Variants in PSMD6 observed in about 807,000 individuals in gnomAD.
PSMD6 encodes 26S proteasome non-ATPase regulatory subunit 6.
PSMD6 carries 7 observed loss-of-function variants against 44.9 expected under a neutral mutation model. The observed-to-expected ratio is 0.16, with a 90% confidence interval of 0.09 to 0.29. PSMD6 has a LOEUF of 0.29. PSMD6 is among the 10% of genes least tolerant of loss of function. PSMD6 has a pLI of 1.00. For missense variants in PSMD6, 420 were observed against 482.6 expected (o/e 0.87, Z 1.21); for synonymous variants, 184 against 172.7 (o/e 1.07, Z -0.51).
In PSMD6 at chr3:64,018,690, C is replaced by T. The variant is rs2076085309; in HGVS notation, c.735G>A (p.Glu245=). The change falls in exon 5 of 8, where the codon GAG becomes GAA. Residue 245 remains glutamate, a synonymous_variant. Coordinates refer to ENST00000295901, the MANE Select transcript of PSMD6 (RefSeq NM_014814.3). ...DLREKVIKGA[E]ILEVLHSLPA... ...GAAGACTGTGCAACACTTCAAGAAT[C>T]TCTGCTCCTTTAATGACCTAGGTAT... 6.2e-7 allele frequency: 1 copy of T among 1,601,074 alleles called. No homozygotes were observed. The highest frequency in any genetic ancestry group is 8.6e-7 in the Non-Finnish European group (1 of 1,168,808).
intron 2 of PSMD6, among the ~76,000 whole-genome samples, chr3:64,021,429 TAAA>T (rs1057255728): frequency 6.6e-6 from 1 of 152,246 alleles, no homozygotes; most frequent in African/African-American, 2.4e-5. Context: ...TCTGTAGAAT[TAAA>T]AATTTCTGCA....
intron 1 of PSMD6, 64 bp from the exon 2 acceptor site, chr3:64,022,587 A>C: frequency 6.3e-7 from 1 of 1,580,688 alleles, no homozygotes; most frequent in South Asian, 1.1e-5. Context: ...AAGTCTGCCC[A>C]CGTATTTCAC....
At chr3:64,021,600 G>A (rs1288080369) in intron 2 of PSMD6, among the ~76,000 whole-genome samples, 1 of 152,182 alleles carries the variant, frequency 6.6e-6, no homozygotes, top group Non-Finnish European at 1.5e-5. Flanking sequence ...CCTGAGGTCA[G>A]GAGTTCGAGA....
At chr3:64,016,330 CAATT>C (rs777066545) in intron 5 of PSMD6, 4 of 151,964 alleles carry the variant, frequency 2.6e-5, no homozygotes, top group Non-Finnish European at 4.4e-5. Context: ...TTCACTTTCT[CAATT>C]TATTTTTGAT....
At chr3:64,012,018 CT>C in intron 6 of PSMD6, 1 of 152,166 alleles carries the variant, frequency 6.6e-6, no homozygotes, top group East Asian at 1.9e-4. Context: ...GGAACAAAAC[CT>C]TGGGATACCA....
intron 1 of PSMD6, 65 bp downstream of exon 1, chr3:64,023,210 C>T: frequency 6.7e-7 from 1 of 1,483,838 alleles, no homozygotes; most frequent in Non-Finnish European, 9.0e-7. Flanking sequence ...AAAGTCCCCG[C>T]AGGCTCCGGA....
intron 2 of PSMD6, chr3:64,019,999 G>A (rs1576035885): frequency 6.6e-6 from 1 of 152,258 alleles, no homozygotes; most frequent in African/African-American, 2.4e-5. Flanking sequence ...ATAAGGGACT[G>A]GGAATACAGC....
At chr3:64,013,129 G>C (rs41276487) in intron 6 of PSMD6, 1 of 220,012 alleles carries the variant, frequency 4.5e-6, no homozygotes, top group Non-Finnish European at 8.8e-6. Context: ...AGTCATTACC[G>C]TAGCTGCAGT....
At chr3:64,023,622 C>T (rs1576041775), upstream of PSMD6, 2 of 1,416,542 alleles carry the variant, frequency 1.4e-6, no homozygotes, top group Non-Finnish European at 1.8e-6. Flanking sequence ...GTCACGGGGG[C>T]TTTTCCACCC....
intron 7 of PSMD6, 50 bp from the exon 8 acceptor site, chr3:64,010,814 C>CA (rs1559671630): frequency 6.3e-7 from 1 of 1,576,192 alleles, no homozygotes. Context: ...CACATTATTC[C>CA]ATGACAATAG....
At chr3:64,013,176 T>G (rs1156610943) in intron 6 of PSMD6, 1 of 315,016 alleles carries the variant, frequency 3.2e-6, no homozygotes, top group East Asian at 5.3e-5. Flanking sequence ...CAACTTTTGA[T>G]AACAACTGGT....
chr3:64,019,025 T>G lies in PSMD6; in HGVS notation c.510A>C (p.Glu170Asp). Residue 170 changes from glutamate to aspartate, a missense_variant, in exon 4 of 8, where the codon GAA becomes GAC. Transcript: ENST00000295901. ...NTEKAKSLIEEGGDWDRRNRL... is the reference protein window; with the variant it reads ...NTEKAKSLIEDGGDWDRRNRL... Reference sequence around the variant, plus strand: ...GGTTTCTCCTGTCCCAGTCTCCTCCTTCTTCTATTAAGCTATGAAATAAAA... The same window carrying G: ...GGTTTCTCCTGTCCCAGTCTCCTCCGTCTTCTATTAAGCTATGAAATAAAA... 1 of 1,602,530 alleles carries G rather than the reference T, an allele frequency of 6.2e-7. No individual in the cohort carries two copies.
Position 64,010,611 on chromosome 3 carries a change from G to GCTATAAAAA in PSMD6, c.*48_*56dup. The GCTATAAAAA allele has an allele frequency of 3.2e-6, 4 of 1,261,150 alleles. No individual in the cohort carries two copies. Among genetic ancestry groups the GCTATAAAAA allele is most frequent in the Non-Finnish European group, 4.5e-6 (4 of 887,964 alleles). The allele number at this position is 1,261,150 out of a possible 1,614,324, so 78.1% of individuals were successfully genotyped here. ...CTGACCTGGGCACATTGTGAAGTAA[G>GCTATAAAAA]CTATAAAAATTCCAAATAATTATCT... is the stretch of plus-strand genomic sequence containing the variant. On this transcript the variant is annotated 3_prime_UTR_variant, in exon 8 of 8. Transcript: ENST00000295901.
upstream of PSMD6, chr3:64,023,511 C>G: frequency 7.1e-7 from 1 of 1,418,046 alleles, no homozygotes; most frequent in Non-Finnish European, 9.3e-7. Context: ...TACGCCCGGC[C>G]GCCTGCGGCC....
chr3:64,022,952 G>C, intron 1 of PSMD6: 1 of 1,430,694 alleles, frequency 7.0e-7, no homozygotes, highest in Non-Finnish European at 9.2e-7. Context: ...CCGCGCCCGG[G>C]AGCAGTCCCC....
intron 5 of PSMD6, chr3:64,016,555 T>C (rs1040329944): frequency 1.5e-5 from 2 of 132,844 alleles, no homozygotes; most frequent in African/African-American, 6.4e-5. Context: ...GTTTTAGCAA[T>C]TGGGGCACAT....
chr3:64,018,107 A>C (rs1053526290), intron 5 of PSMD6, among the ~76,000 whole-genome samples: 1 of 152,250 alleles, frequency 6.6e-6, no homozygotes, highest in Non-Finnish European at 1.5e-5. Flanking sequence ...ACAGAGATTT[A>C]GCTATTTAGC....
chr3:64,013,360 A>G, intron 6 of PSMD6, 79 bp downstream of exon 6: 1 of 1,365,156 alleles, frequency 7.3e-7, no homozygotes, highest in Non-Finnish European at 9.8e-7. Context: ...CAATGTAAAC[A>G]AGTAAAAAAT....
At chr3:64,021,610 A>G (rs567054410) in intron 2 of PSMD6, among the ~76,000 whole-genome samples, 1 of 152,300 alleles carries the variant, frequency 6.6e-6, no homozygotes, top group South Asian at 2.1e-4. Flanking sequence ...GGAGTTCGAG[A>G]CTAGCCTGGC....
Sources: allele counts gnomAD v4.1 joint callset (sites outside exome capture counted in the v4.1 genomes callset), GRCh38; gene constraint gnomAD v4.1.1; transcripts MANE v1.5; gene names NCBI Gene and HGNC (gene_info 2026-07-23, HGNC 2026-07-21).